ATF7IP2: variants seen among roughly 807,000 people sequenced by gnomAD.
ATF7IP2 encodes activating transcription factor 7-interacting protein 2.
Under a neutral mutation model 64.2 loss-of-function variants are expected in ATF7IP2, and 42 were observed. The observed-to-expected ratio is 0.65, with a 90% CI of 0.51 to 0.85. The LOEUF (loss-of-function observed/expected upper bound fraction) is 0.85. ATF7IP2 is among the 40% of genes least tolerant of loss of function. The pLI is 0.00. For missense variants in ATF7IP2, 933 were observed against 784.2 expected (o/e 1.19, Z -2.27); for synonymous variants, 308 against 272.8 (o/e 1.13, Z -1.27).
chr16:10,468,120 TCCTC>T (rs200933020), intron 9 of ATF7IP2, among the ~76,000 whole-genome samples: 12,758 of 151,888 alleles, frequency 0.084, 1,117 homozygotes, highest in African/African-American at 0.22. Flanking sequence ...CCTCAGGTGA[TCCTC>T]CCACCTCCAC....
Position 10,405,012 on chromosome 16 carries a change from C to T in ATF7IP2, c.-241-9562C>T, listed in dbSNP as rs533975999. Among the ~76,000 whole-genome samples the T allele has an allele frequency of 2.5e-3, 373 of 152,220 alleles. 3 individuals are homozygous for T. The highest frequency in any genetic ancestry group is 3.4e-3 in the Middle Eastern group (1 of 294). On this transcript the variant is annotated intron_variant, in intron 1 of 13. Coordinates refer to ENST00000562102, the MANE Select transcript of ATF7IP2 (RefSeq NM_001393719.1). ...AGAAGCAAATGGTGAGGGAATTCAT[C>T]ACCAGTAAGTAGACCCTCCCTATAA... is the stretch of plus-strand genomic sequence containing the variant.
At chr16:10,464,602 A>C (rs1273307067) in intron 9 of ATF7IP2, among the ~76,000 whole-genome samples, 1 of 152,218 alleles carries the variant, frequency 6.6e-6, no homozygotes, top group Non-Finnish European at 1.5e-5. Context: ...ACTTCCAAAG[A>C]GTAAGCATCA....
intron 12 of ATF7IP2, among the ~76,000 whole-genome samples, chr16:10,480,225 CA>C (rs1300962451): frequency 1.3e-5 from 2 of 151,920 alleles, no homozygotes; most frequent in African/African-American, 4.8e-5. Flanking sequence ...GACCTCAAGT[CA>C]TCTGCGTCCT....
chr16:10,474,680 A>T (rs1294657465), intron 12 of ATF7IP2, among the ~76,000 whole-genome samples: 2 of 152,258 alleles, frequency 1.3e-5, no homozygotes, highest in East Asian at 3.8e-4. Context: ...CCACATACCC[A>T]AGGTGTTTAA....
At chr16:10,467,335 T>A (rs1191947913) in intron 9 of ATF7IP2, among the ~76,000 whole-genome samples, 1 of 152,186 alleles carries the variant, frequency 6.6e-6, no homozygotes, top group Non-Finnish European at 1.5e-5. Flanking sequence ...AGCAATAATT[T>A]GAAGTACTGT....
chr16:10,483,498 C>T lies in ATF7IP2; in HGVS notation c.*1249C>T, dbSNP rs575979517. The T allele has an allele frequency of 2.0e-5, 3 of 152,148 alleles. No individual in the cohort carries two copies. The highest frequency in any genetic ancestry group is 7.2e-5 in the African/African-American group (3 of 41,428). The allele number at this position is 152,148 out of a possible 1,614,324, so 9.4% of individuals were successfully genotyped here. On this transcript the variant is annotated 3_prime_UTR_variant, in exon 14 of 14. Coordinates refer to ENST00000562102, the MANE Select transcript of ATF7IP2 (RefSeq NM_001393719.1). ...TGATAAGAAACAAAAATAATCCCAACTGTTTGAAAGTTCGAAAGAGGGGCA... is the reference window on the plus strand; with the variant it reads ...TGATAAGAAACAAAAATAATCCCAATTGTTTGAAAGTTCGAAAGAGGGGCA...
At chr16:10,387,114 TTTA>T (rs1431735719) in intron 1 of ATF7IP2, 3 of 152,232 alleles carry the variant, frequency 2.0e-5, no homozygotes, top group African/African-American at 7.2e-5. Flanking sequence ...TAATACTGTT[TTTA>T]TTATGATTTT....
rs2048644869 is a variant in ATF7IP2, at chr16:10,442,087, CA to C, written c.1194+1626del. ...ACTCATCCCAATTGACTAGATTTAGCATTTAGAATAGGATAAAGAACCAGGA... is the reference window on the plus strand; with the variant it reads ...ACTCATCCCAATTGACTAGATTTAGCTTTAGAATAGGATAAAGAACCAGGA... On this transcript the variant is annotated intron_variant, in intron 8 of 13. Transcript: ENST00000562102. Among the ~76,000 whole-genome samples the C allele has an allele frequency of 2.6e-5, 4 of 152,206 alleles. No homozygotes were observed. The South Asian group carries it at 8.3e-4, about 32-fold the overall frequency.
At chr16:10,480,014 T>C (rs888086974) in intron 12 of ATF7IP2, among the ~76,000 whole-genome samples, 14 of 139,564 alleles carry the variant, frequency 1.0e-4, no homozygotes, top group Non-Finnish European at 2.0e-4. Flanking sequence ...GACAGTCTTG[T>C]TCTGCCCTCT....
rs747515011 is a variant in ATF7IP2, at chr16:10,431,307, T to A, written c.687T>A (p.Val229=). The A allele has an allele frequency of 1.2e-6, 2 of 1,614,198 alleles. No homozygotes were observed. The highest frequency in any genetic ancestry group is 2.2e-5 in the South Asian group (2 of 91,078). Residue 229 remains valine, a synonymous_variant, in exon 5 of 14, where the codon GTT becomes GTA. Transcript: ENST00000562102. Reference sequence around the variant, plus strand: ...CAGAAGACTCAGGTTTTGTGCCTGTTGAGAAAACACCTAATTTGGTGAATT... The same window carrying A: ...CAGAAGACTCAGGTTTTGTGCCTGTAGAGAAAACACCTAATTTGGTGAATT... ...LCSEDSGFVP[V]EKTPNLVNSV...
At chr16:10,430,044 G>A (rs2048194381) in intron 4 of ATF7IP2, among the ~76,000 whole-genome samples, 1 of 151,594 alleles carries the variant, frequency 6.6e-6, no homozygotes, top group African/African-American at 2.4e-5. Context: ...AGTAGAGACA[G>A]GGTTTCACCA....
intron 8 of ATF7IP2, among the ~76,000 whole-genome samples, chr16:10,442,329 A>G (rs572254755): frequency 1.3e-5 from 2 of 152,228 alleles, no homozygotes; most frequent in Admixed American, 1.3e-4. Context: ...AACTTATCTA[A>G]CATGTCTTGA....
At chr16:10,421,057 C>A (rs1479995621) in intron 3 of ATF7IP2, among the ~76,000 whole-genome samples, 1 of 152,128 alleles carries the variant, frequency 6.6e-6, no homozygotes, top group Non-Finnish European at 1.5e-5. Flanking sequence ...ATGAGTTTGC[C>A]AAGTAAGACT....
intron 1 of ATF7IP2, among the ~76,000 whole-genome samples, chr16:10,396,869 A>G (rs1365633256): frequency 6.6e-6 from 1 of 151,856 alleles, no homozygotes; most frequent in African/African-American, 2.4e-5. Flanking sequence ...ATTTCCTTGT[A>G]TTGCCCAGGG....
chr16:10,471,717 G>A (rs925850246), intron 9 of ATF7IP2, among the ~76,000 whole-genome samples: 14 of 152,182 alleles, frequency 9.2e-5, no homozygotes, highest in African/African-American at 2.9e-4. Context: ...CTACCTTTAG[G>A]AGTCCAGGTG....
chr16:10,421,049 GA>G, intron 3 of ATF7IP2, among the ~76,000 whole-genome samples: 1 of 152,312 alleles, frequency 6.6e-6, no homozygotes, highest in East Asian at 1.9e-4. Context: ...TCAGCTAAAT[GA>G]GTTTGCCAAG....
intron 11 of ATF7IP2, 115 bp downstream of exon 11, chr16:10,473,649 AG>A (rs2049890450): frequency 4.0e-6 from 3 of 758,282 alleles, no homozygotes; most frequent in Non-Finnish European, 6.7e-6. Flanking sequence ...CACACTGAAA[AG>A]CAGACAGCTA....
At chr16:10,455,768 C>A (rs1477352844) in intron 8 of ATF7IP2, among the ~76,000 whole-genome samples, 2 of 152,092 alleles carry the variant, frequency 1.3e-5, no homozygotes, top group African/African-American at 4.8e-5. Flanking sequence ...ATACCTAGAT[C>A]TTCATAAACA....
At chr16:10,440,919 A>G (rs968407019) in intron 8 of ATF7IP2, among the ~76,000 whole-genome samples, 4 of 151,984 alleles carry the variant, frequency 2.6e-5, no homozygotes, top group African/African-American at 7.3e-5. Flanking sequence ...ACCCCCTGAC[A>G]GGCCCTGGTG....
Sources: gnomAD v4.1 joint callset for allele counts (sites outside exome capture counted in the v4.1 genomes callset) on GRCh38, gnomAD v4.1.1 for gene constraint, MANE v1.5 for transcripts, NCBI Gene and HGNC (gene_info 2026-07-23, HGNC 2026-07-21) for gene names.